MGAT4C: variants seen among roughly 807,000 people sequenced by gnomAD.
MGAT4C encodes alpha-1,3-mannosyl-glycoprotein 4-beta-N-acetylglucosaminyltransferase C.
Under a neutral mutation model 40.1 loss-of-function variants are expected in MGAT4C, and 19 were observed. The observed-to-expected ratio is 0.47, with a 90% confidence interval of 0.33 to 0.70. MGAT4C has a LOEUF of 0.70. Among genes scored for constraint, MGAT4C ranks in the 30% least tolerant of loss-of-function variants. The pLI is 0.02. For synonymous variants in MGAT4C, 181 were observed against 187.1 expected (o/e 0.97, Z 0.27); for missense variants, 491 against 563.2 (o/e 0.87, Z 1.30).
At chr12:86,302,066 A>C (rs1953826166) in intron 4 of MGAT4C, among the ~76,000 whole-genome samples, 1 of 150,950 alleles carries the variant, frequency 6.6e-6, no homozygotes, top group Admixed American at 6.6e-5. Flanking sequence ...TTTTAAATAA[A>C]CTTTTTTTAA....
chr12:86,596,856 T>G (rs1486407706), intron 2 of MGAT4C, among the ~76,000 whole-genome samples: 2 of 152,200 alleles, frequency 1.3e-5, no homozygotes, highest in Non-Finnish European at 2.9e-5. Context: ...TCTACTGAAC[T>G]GACTGAACAG....
Position 85,979,466 on chromosome 12 carries a change from G to T in MGAT4C, c.1260C>A (p.Ser420Arg), listed in dbSNP as rs755830364. ...AAGTAGAACATTGTCTCCTTTGTTT[G>T]CTAGGCATAACGTTTTCCCCAACAT... ...ALDVGENVMP[S>R]KQRRQCSTYL... The change falls in exon 5 of 5, where the codon AGC becomes AGA. Residue 420 changes from serine (S) to arginine (R), a missense_variant. Physicochemically the swap from Ser to Arg is moderately radical, Grantham distance 110. Coordinates refer to ENST00000611864, the MANE Select transcript of MGAT4C (RefSeq NM_001351288.2). 2 of 1,613,292 alleles carry T rather than the reference G, an allele frequency of 1.2e-6. No homozygotes were observed. The highest frequency in any genetic ancestry group is 1.7e-6 in the Non-Finnish European group (2 of 1,179,568).
intron 1 of MGAT4C, among the ~76,000 whole-genome samples, chr12:86,768,762 T>C (rs1951567582): frequency 6.6e-6 from 1 of 152,106 alleles, no homozygotes; most frequent in African/African-American, 2.4e-5. Flanking sequence ...AAACGAGCAA[T>C]GGGGAAAGGA....
intron 2 of MGAT4C, among the ~76,000 whole-genome samples, chr12:86,012,235 G>A (rs978539389): frequency 2.0e-5 from 3 of 152,110 alleles, no homozygotes; most frequent in African/African-American, 7.2e-5. Flanking sequence ...GGGAAATCCT[G>A]AGCATATTTT....
chr12:86,106,497 G>A (rs1431877189), intron 1 of MGAT4C, among the ~76,000 whole-genome samples: 1 of 152,056 alleles, frequency 6.6e-6, no homozygotes, highest in Non-Finnish European at 1.5e-5. Flanking sequence ...TAAAGACAGG[G>A]TTTCCCCATC....
At chr12:86,199,529 G>T (rs1949958246) in intron 1 of MGAT4C, among the ~76,000 whole-genome samples, 1 of 151,892 alleles carries the variant, frequency 6.6e-6, no homozygotes, top group Non-Finnish European at 1.5e-5. Context: ...TATTTAATGT[G>T]TGTGTTTTTT....
At chr12:86,421,524 C>A (rs1362262172) in intron 3 of MGAT4C, among the ~76,000 whole-genome samples, 5 of 152,186 alleles carry the variant, frequency 3.3e-5, no homozygotes, top group Non-Finnish European at 4.4e-5. Flanking sequence ...GTAGTCCCAG[C>A]ACTTTGGGAG....
intron 1 of MGAT4C, among the ~76,000 whole-genome samples, chr12:86,743,780 A>G (rs1951110642): frequency 6.6e-6 from 1 of 151,660 alleles, no homozygotes; most frequent in Non-Finnish European, 1.5e-5. Flanking sequence ...CTCCTGAAAT[A>G]CTAGTCAGGC....
chr12:86,663,079 AG>A (rs1964018349), intron 2 of MGAT4C, among the ~76,000 whole-genome samples: 2 of 152,128 alleles, frequency 1.3e-5, no homozygotes, highest in South Asian at 4.1e-4. Context: ...CATAAAAATA[AG>A]GGCCAGGAAC....
At chr12:86,736,294 C>A (rs1281836841) in intron 1 of MGAT4C, among the ~76,000 whole-genome samples, 1 of 151,694 alleles carries the variant, frequency 6.6e-6, no homozygotes, top group Non-Finnish European at 1.5e-5. Context: ...TTATAATTTT[C>A]TATTTTTTCA....
At chr12:86,158,804 A>G (rs1288970787) in intron 1 of MGAT4C, among the ~76,000 whole-genome samples, 1 of 152,136 alleles carries the variant, frequency 6.6e-6, no homozygotes, top group Non-Finnish European at 1.5e-5. Context: ...TGGCTATTGT[A>G]AGTGGGATTC....
intron 2 of MGAT4C, among the ~76,000 whole-genome samples, chr12:86,493,860 A>G (rs1958184823): frequency 6.6e-6 from 1 of 152,082 alleles, no homozygotes; most frequent in South Asian, 2.1e-4. Flanking sequence ...CTGTGCTTAT[A>G]GAAAACCGTA....
chr12:86,738,903 A>C (rs1463941919), intron 1 of MGAT4C, among the ~76,000 whole-genome samples: 1 of 150,958 alleles, frequency 6.6e-6, no homozygotes, highest in Non-Finnish European at 1.5e-5. Context: ...TGTCCATGCT[A>C]TTACTGGGAA....
At position 86,034,944 on chromosome 12, in the gene MGAT4C, G is replaced by A. The variant is rs542489640; in HGVS notation, c.-7+14730C>T. Reference sequence around the variant, plus strand: ...TTATGGCTGCATAGTATTCCATAGTGTATATGTGACACATTTTCTTATCTA... The same window carrying A: ...TTATGGCTGCATAGTATTCCATAGTATATATGTGACACATTTTCTTATCTA... On this transcript the variant is annotated intron_variant, in intron 2 of 4. Transcript: ENST00000611864. Among the ~76,000 whole-genome samples the A allele has an allele frequency of 3.2e-4, 48 of 150,168 alleles. 2 individuals carry two copies. Among genetic ancestry groups the A allele is most frequent in the African/African-American group, 9.4e-4 (39 of 41,392 alleles).
chr12:86,412,239 G>A (rs768689322), intron 3 of MGAT4C, among the ~76,000 whole-genome samples: 1 of 152,168 alleles, frequency 6.6e-6, no homozygotes, highest in Non-Finnish European at 1.5e-5. Flanking sequence ...TGTGAGAAGA[G>A]GGCCACAATC....
At chr12:86,803,966 C>A (rs1343611796) in intron 1 of MGAT4C, among the ~76,000 whole-genome samples, 2 of 133,924 alleles carry the variant, frequency 1.5e-5, no homozygotes, top group African/African-American at 5.6e-5. Flanking sequence ...CACATGCACA[C>A]GTATGTTTAT....
rs1210645588 is a variant in MGAT4C at position 86,685,863 on chromosome 12, A to ATT, written c.-229+41344_-229+41345dup. ...TTATTGGTGTATAGGAATGCTTGTG[A>ATT]TTTTTTTTTTTTTTTTGGAGACAGA... On this transcript the variant is annotated intron_variant, in intron 2 of 7. Transcript: ENST00000548651. Among the ~76,000 whole-genome samples, 423 of 136,566 alleles carry ATT rather than the reference A, an allele frequency of 3.1e-3. 3 individuals carry two copies. Among genetic ancestry groups the ATT allele is most frequent in the African/African-American group, 0.011 (401 of 37,186 alleles). The allele number at this position is 136,566 out of a possible 152,430, so 89.6% of individuals were successfully genotyped here.
intron 4 of MGAT4C, among the ~76,000 whole-genome samples, chr12:86,299,341 T>C (rs1031743891): frequency 1.3e-5 from 2 of 152,162 alleles, no homozygotes; most frequent in African/African-American, 2.4e-5. Flanking sequence ...ATGGTCTCCA[T>C]CTACTGACCT....
chr12:86,088,441 A>G (rs1327984433), intron 1 of MGAT4C, among the ~76,000 whole-genome samples: 1 of 152,118 alleles, frequency 6.6e-6, no homozygotes, highest in African/African-American at 2.4e-5. Context: ...CACAACCTAC[A>G]GAATAGTGGA....
Sources: gnomAD v4.1 joint callset for allele counts (sites outside exome capture counted in the v4.1 genomes callset) on GRCh38, gnomAD v4.1.1 for gene constraint, MANE v1.5 for transcripts, NCBI Gene and HGNC (gene_info 2026-07-23, HGNC 2026-07-21) for gene names.